Variants in PRUNE2 observed in about 807,000 individuals in gnomAD.
PRUNE2 encodes prune homolog 2 with BCH domain.
Under a neutral mutation model 252.0 loss-of-function variants are expected in PRUNE2, and 164 were observed. The ratio of observed to expected loss-of-function variants is 0.65; its 90% CI spans 0.57 to 0.74. The LOEUF (loss-of-function observed/expected upper bound fraction) is 0.74, where lower values mean the gene tolerates loss of function less well. PRUNE2 is among the 30% of genes least tolerant of loss of function. The pLI, the probability that PRUNE2 is intolerant of heterozygous loss-of-function variation, is 0.00. For synonymous variants in PRUNE2, 1,292 were observed against 1,350.2 expected (o/e 0.96, Z 0.94); for missense variants, 3,495 against 3,711.0 (o/e 0.94, Z 1.51).
chr9:76,644,831 T>C lies in PRUNE2; in HGVS notation c.8636A>G (p.Asn2879Ser). 2 of 1,613,956 alleles carry C rather than the reference T, an allele frequency of 1.2e-6. No homozygotes were observed. Among genetic ancestry groups the C allele is most frequent in the Non-Finnish European group, 1.7e-6 (2 of 1,179,860 alleles). Residue 2879 changes from asparagine to serine, a missense_variant, in exon 12 of 19, where the codon AAC becomes AGC. By Grantham distance (46) the Asn-to-Ser change is conservative. Transcript: ENST00000376718. ...EYTAEEERED[N>S]RLWRTVVIGE... ...AATGACCACTGTCCTCCAAAGCCGGTTGTCCTCCCGTTCCTCTTCGGCCGT... is the reference window on the plus strand; with the variant it reads ...AATGACCACTGTCCTCCAAAGCCGGCTGTCCTCCCGTTCCTCTTCGGCCGT...
intron 9 of PRUNE2, among the ~76,000 whole-genome samples, chr9:76,678,181 G>A (rs939964665): frequency 4.7e-4 from 71 of 151,776 alleles, no homozygotes; most frequent in African/African-American, 1.3e-3. Flanking sequence ...GCAAAACCCC[G>A]TCTCTACTAA....
intron 15 of PRUNE2, among the ~76,000 whole-genome samples, chr9:76,636,030 G>A (rs1205675295): frequency 1.3e-5 from 2 of 152,154 alleles, no homozygotes; most frequent in East Asian, 1.9e-4. Flanking sequence ...TTATATAAAC[G>A]TTGTGTAGGT....
intron 1 of PRUNE2, among the ~76,000 whole-genome samples, chr9:76,872,099 C>T (rs1313730126): frequency 6.6e-6 from 1 of 152,076 alleles, no homozygotes; most frequent in Non-Finnish European, 1.5e-5. Flanking sequence ...GAGTCCTTGG[C>T]ACCTGGAAGG....
In PRUNE2 at chr9:76,711,347, C is replaced by A. The variant is rs774995995; in HGVS notation, c.927G>T (p.Glu309Asp). 5 of 1,609,892 alleles carry A rather than the reference C, an allele frequency of 3.1e-6. No homozygotes were observed. The South Asian group carries it at 5.5e-5, about 18-fold the overall frequency. The change falls in exon 8 of 19, where the codon GAG becomes GAT. Residue 309 changes from glutamate to aspartate, a missense_variant. Physicochemically the swap from Glu to Asp is conservative, Grantham distance 45. Coordinates refer to ENST00000376718, the MANE Select transcript of PRUNE2 (RefSeq NM_015225.3). ...GGCAAGGGTTCTGACACTCTTCCAGCTCACAGCAAATCTGTCGGAAGGCAC... is the reference window on the plus strand; with the variant it reads ...GGCAAGGGTTCTGACACTCTTCCAGATCACAGCAAATCTGTCGGAAGGCAC... ...NMELCSQICC[E>D]LEECQNPCLE...
intron 6 of PRUNE2, among the ~76,000 whole-genome samples, chr9:76,822,640 T>C (rs2131942432): frequency 6.6e-6 from 1 of 152,226 alleles, no homozygotes. Context: ...AAACCCTGTC[T>C]CTACTAAAAT....
intron 1 of PRUNE2, among the ~76,000 whole-genome samples, chr9:76,860,097 TC>T (rs1423407787): frequency 1.3e-5 from 2 of 152,138 alleles, no homozygotes; most frequent in Non-Finnish European, 2.9e-5. Context: ...GTCTAAACTG[TC>T]TTTGCATAGC....
intron 6 of PRUNE2, among the ~76,000 whole-genome samples, chr9:76,793,962 A>G (rs1452332652): frequency 2.0e-5 from 3 of 152,170 alleles, no homozygotes; most frequent in Admixed American, 2.0e-4. Flanking sequence ...GACATTATGA[A>G]CTTACCCAGT....
At chr9:76,848,776 G>A (rs910585723) in intron 3 of PRUNE2, among the ~76,000 whole-genome samples, 1 of 152,232 alleles carries the variant, frequency 6.6e-6, no homozygotes, top group African/African-American at 2.4e-5. Context: ...TTAGGCACCT[G>A]TAGATTCTTG....
intron 11 of PRUNE2, among the ~76,000 whole-genome samples, chr9:76,645,829 A>G (rs998791918): frequency 6.6e-6 from 1 of 152,184 alleles, no homozygotes. Flanking sequence ...ATTCCTGGAA[A>G]AGCACCATTG....
intron 4 of PRUNE2, among the ~76,000 whole-genome samples, chr9:76,837,950 T>A: frequency 6.6e-6 from 1 of 151,884 alleles, no homozygotes; most frequent in Non-Finnish European, 1.5e-5. Context: ...TTTTTGTATT[T>A]TTAGTAGAGA....
intron 6 of PRUNE2, among the ~76,000 whole-genome samples, chr9:76,732,557 T>C (rs1162404831): frequency 6.6e-6 from 1 of 152,230 alleles, no homozygotes; most frequent in Non-Finnish European, 1.5e-5. Context: ...GGGGCAAAGA[T>C]GAGCAGCCCA....
chr9:76,732,420 C>T (rs1311593290), intron 6 of PRUNE2, among the ~76,000 whole-genome samples: 1 of 152,240 alleles, frequency 6.6e-6, no homozygotes, highest in Non-Finnish European at 1.5e-5. Flanking sequence ...TCTGAGAAAT[C>T]TGCCCTTACC....
intron 6 of PRUNE2, among the ~76,000 whole-genome samples, chr9:76,790,960 T>G (rs1449953449): frequency 6.6e-6 from 1 of 152,228 alleles, no homozygotes; most frequent in Non-Finnish European, 1.5e-5. Context: ...TATTTGGAAT[T>G]CAAGTTTAAA....
intron 1 of PRUNE2, among the ~76,000 whole-genome samples, chr9:76,888,218 C>T (rs914545754): frequency 6.6e-6 from 1 of 152,132 alleles, no homozygotes; most frequent in African/African-American, 2.4e-5. Context: ...AAAGCAAACG[C>T]GAAGGCCATC....
chr9:76,873,557 A>C (rs1308626021), intron 1 of PRUNE2, among the ~76,000 whole-genome samples: 1 of 152,084 alleles, frequency 6.6e-6, no homozygotes, highest in Non-Finnish European at 1.5e-5. Flanking sequence ...GGCGCCAGAG[A>C]GCTCTATTGT....
chr9:76,902,523 A>G (rs925616089), intron 1 of PRUNE2, among the ~76,000 whole-genome samples: 1 of 152,222 alleles, frequency 6.6e-6, no homozygotes, highest in Admixed American at 6.5e-5. Flanking sequence ...TCAACTAGGA[A>G]GCGCCACTCT....
At chr9:76,758,220 A>T (rs895561203) in intron 6 of PRUNE2, among the ~76,000 whole-genome samples, 14 of 152,222 alleles carry the variant, frequency 9.2e-5, no homozygotes, top group African/African-American at 3.4e-4. Context: ...AACGCATAAA[A>T]CTGCACTGAG....
chr9:76,737,201 A>T (rs2049151856), intron 6 of PRUNE2: 1 of 152,180 alleles, frequency 6.6e-6, no homozygotes, highest in Admixed American at 6.5e-5. Flanking sequence ...CCTTATTTAC[A>T]GGTTAGAGTC....
Position 76,711,143 on chromosome 9 carries a change from G to T in PRUNE2, c.1131C>A (p.Pro377=). ...TAATCCCAGAAGACCCCTGGGAGAG[G>T]GGGGCACTGCCTGCCACGGCTTCTG... ...SSTEAVAGSA[P]LSQGSSGIME... is the part of the protein sequence containing the mutation. The change falls in exon 8 of 19, where the codon CCC becomes CCA. Residue 377 remains proline, a synonymous_variant. Transcript: ENST00000376718. 1 of 1,613,896 alleles carries T rather than the reference G, an allele frequency of 6.2e-7. No individual in the cohort carries two copies. The highest frequency in any genetic ancestry group is 8.5e-7 in the Non-Finnish European group (1 of 1,179,828).
Sources: gnomAD v4.1 joint callset for allele counts (sites outside exome capture counted in the v4.1 genomes callset) on GRCh38, gnomAD v4.1.1 for gene constraint, MANE v1.5 for transcripts, NCBI Gene and HGNC (gene_info 2026-07-23, HGNC 2026-07-21) for gene names.